CD96: variants seen among roughly 807,000 people sequenced by gnomAD.
CD96 encodes CD96 molecule, also known as T-cell surface protein tactile.
CD96 carries 70 observed loss-of-function variants against 71.3 expected under a neutral mutation model. The observed-to-expected ratio is 0.98, with a 90% CI of 0.81 to 1.20. The LOEUF (loss-of-function observed/expected upper bound fraction) is 1.20. Among genes scored for constraint, CD96 ranks in the 50% most tolerant of loss-of-function variants. The pLI is 0.00. For synonymous variants in CD96, 248 were observed against 233.0 expected, an observed-to-expected ratio of 1.06 and a Z score of -0.59; for missense variants, 742 against 677.5, an observed-to-expected ratio of 1.10 and a Z score of -1.06.
At chr3:111,558,867 T>C (rs1398364389) in intron 2 of CD96, among the ~76,000 whole-genome samples, 4 of 151,708 alleles carry the variant, frequency 2.6e-5, no homozygotes, top group Non-Finnish European at 4.4e-5. Flanking sequence ...AACTATTGAC[T>C]ATTGCCACAA....
At chr3:111,546,919 T>TACAC (rs60838213) in intron 2 of CD96, among the ~76,000 whole-genome samples, 1,858 of 138,162 alleles carry the variant, frequency 0.013, 46 homozygotes, top group African/African-American at 0.042. Context: ...CACAGACACA[T>TACAC]ACACACACAC....
chr3:111,617,958 G>C (rs892394340), intron 8 of CD96, among the ~76,000 whole-genome samples: 2 of 152,234 alleles, frequency 1.3e-5, no homozygotes, highest in Admixed American at 6.5e-5. Context: ...TGGTGCCACA[G>C]TGTTCCCCTT....
chr3:111,556,726 G>A (rs1193234963), intron 2 of CD96, among the ~76,000 whole-genome samples: 1 of 148,886 alleles, frequency 6.7e-6, no homozygotes, highest in Non-Finnish European at 1.5e-5. Context: ...ACCCAGTAAT[G>A]GGATGGCTGG....
intron 3 of CD96, among the ~76,000 whole-genome samples, chr3:111,574,528 T>G (rs928027805): frequency 6.6e-6 from 1 of 152,200 alleles, no homozygotes; most frequent in African/African-American, 2.4e-5. Context: ...AAACAAAGCC[T>G]AAATGACTTA....
At chr3:111,643,164 A>G (rs1375624012) in intron 12 of CD96, among the ~76,000 whole-genome samples, 1 of 152,052 alleles carries the variant, frequency 6.6e-6, no homozygotes, top group Admixed American at 6.5e-5. Flanking sequence ...CCAGGGATGC[A>G]GGGATGGTTT....
At chr3:111,577,349 C>T (rs568874422) in intron 3 of CD96, among the ~76,000 whole-genome samples, 31 of 152,272 alleles carry the variant, frequency 2.0e-4, no homozygotes, top group African/African-American at 7.5e-4. Context: ...GGGGTACCTG[C>T]CTTCTTAATT....
chr3:111,633,409 A>T (rs1460539240), intron 10 of CD96, among the ~76,000 whole-genome samples: 1 of 152,382 alleles, frequency 6.6e-6, no homozygotes, highest in South Asian at 2.1e-4. Context: ...AATTACCAAA[A>T]TGTGGCACAA....
chr3:111,642,801 C>T (rs752726015), intron 12 of CD96, among the ~76,000 whole-genome samples: 36 of 150,498 alleles, frequency 2.4e-4, no homozygotes, highest in Non-Finnish European at 4.1e-4. Context: ...ACTGAGACTC[C>T]GCCTAAAAAA....
intron 2 of CD96, among the ~76,000 whole-genome samples, chr3:111,556,439 G>A (rs1413129766): frequency 2.5e-5 from 3 of 119,064 alleles, no homozygotes; most frequent in African/African-American, 1.0e-4. Context: ...CCACCTATGA[G>A]TGAGAATATG....
At chr3:111,608,943 G>A (rs1937764249) in intron 8 of CD96, among the ~76,000 whole-genome samples, 1 of 152,156 alleles carries the variant, frequency 6.6e-6, no homozygotes, top group Admixed American at 6.5e-5. Flanking sequence ...AAGATGAAAG[G>A]TGGTGTACCT....
Position 111,652,217 on chromosome 3 carries a change from A to G in CD96, c.*2411A>G, listed in dbSNP as rs747780012. On this transcript the variant is annotated 3_prime_UTR_variant, in exon 14 of 14. Coordinates refer to ENST00000352690, the MANE Select transcript of CD96 (RefSeq NM_005816.5). Reference sequence around the variant, plus strand: ...ATAACTATACAGCTCAACAACTAGAAAAATAAACTGTTTACCTGCCTTAAT... The same window carrying G: ...ATAACTATACAGCTCAACAACTAGAGAAATAAACTGTTTACCTGCCTTAAT... 1.3e-5 allele frequency: 2 copies of G among 152,182 alleles called. No individual in the cohort carries two copies. Among genetic ancestry groups the G allele is most frequent in the Admixed American group, 6.5e-5 (1 of 15,280 alleles). 9.4% of individuals were successfully genotyped at this position (152,182 alleles called of 1,614,324 possible).
chr3:111,656,160 G>A (rs189307748), downstream of CD96, among the ~76,000 whole-genome samples: 87 of 151,860 alleles, frequency 5.7e-4, 1 homozygote, highest in East Asian at 0.016. Flanking sequence ...CAAATATTGA[G>A]GATAAAAAAC....
intron 5 of CD96, among the ~76,000 whole-genome samples, chr3:111,596,084 C>T (rs1937244777): frequency 6.6e-6 from 1 of 151,944 alleles, no homozygotes; most frequent in Non-Finnish European, 1.5e-5. Flanking sequence ...ATTGCTTGAA[C>T]CCGGGAGGTG....
intron 7 of CD96, among the ~76,000 whole-genome samples, chr3:111,601,928 C>T (rs983938179): frequency 1.3e-5 from 2 of 152,130 alleles, no homozygotes; most frequent in South Asian, 2.1e-4. Flanking sequence ...ATTCTGATGC[C>T]GGGGCACTGG....
chr3:111,618,642 T>G (rs1236853072), intron 8 of CD96, among the ~76,000 whole-genome samples: 1 of 149,148 alleles, frequency 6.7e-6, no homozygotes, highest in East Asian at 2.0e-4. Context: ...TGGAGTACAG[T>G]GGCACGATCT....
intron 10 of CD96, among the ~76,000 whole-genome samples, chr3:111,631,730 C>G (rs1418941716): frequency 6.6e-6 from 1 of 152,116 alleles, no homozygotes; most frequent in South Asian, 2.1e-4. Flanking sequence ...TCAAACTATA[C>G]TGCAGGGCTA....
intron 5 of CD96, among the ~76,000 whole-genome samples, chr3:111,587,017 T>C (rs942805965): frequency 1.3e-4 from 20 of 151,996 alleles, no homozygotes; most frequent in African/African-American, 4.6e-4. Flanking sequence ...ACCTGTAAAA[T>C]CAAAAGCATG....
chr3:111,600,351 A>C (rs1262424922), intron 6 of CD96, among the ~76,000 whole-genome samples: 2 of 152,234 alleles, frequency 1.3e-5, no homozygotes, highest in Non-Finnish European at 2.9e-5. Context: ...CAACATAACC[A>C]GATTCCACAG....
chr3:111,562,925 A>G (rs1047500608), intron 2 of CD96, among the ~76,000 whole-genome samples: 2 of 152,226 alleles, frequency 1.3e-5, no homozygotes, highest in Non-Finnish European at 2.9e-5. Flanking sequence ...AGAATACCAC[A>G]GACTGATACA....
Sources: allele counts gnomAD v4.1 joint callset (sites outside exome capture counted in the v4.1 genomes callset), GRCh38; gene constraint gnomAD v4.1.1; transcripts MANE v1.5; gene names NCBI Gene and HGNC (gene_info 2026-07-23, HGNC 2026-07-21).